Variants in EPHA3 observed in about 807,000 individuals in gnomAD.
EPHA3 encodes the protein EPH receptor A3.
A neutral mutation model predicts 107.1 loss-of-function variants in EPHA3; 42 were observed. The observed-to-expected ratio is 0.39, with a 90% CI of 0.31 to 0.51. The LOEUF (loss-of-function observed/expected upper bound fraction) is 0.51. Ranked by LOEUF, EPHA3 falls within the 20% of genes least tolerant of loss-of-function variation. The pLI is 0.78. For synonymous variants in EPHA3, 461 were observed against 424.8 expected (o/e 1.09, Z -1.05); for missense variants, 1,183 against 1,211.2 (o/e 0.98, Z 0.35).
At chr3:89,178,730 T>C (rs1307979344) in intron 2 of EPHA3, among the ~76,000 whole-genome samples, 2 of 151,846 alleles carry the variant, frequency 1.3e-5, no homozygotes, top group Non-Finnish European at 2.9e-5. Context: ...GAATCCTCTA[T>C]TTTTAAAGCA....
intron 2 of EPHA3, among the ~76,000 whole-genome samples, chr3:89,191,149 C>T (rs992904623): frequency 6.6e-6 from 1 of 151,960 alleles, no homozygotes; most frequent in African/African-American, 2.4e-5. Flanking sequence ...GCTTAGAAGA[C>T]AAAAATGGAT....
intron 9 of EPHA3, among the ~76,000 whole-genome samples, chr3:89,408,477 A>T (rs1709096141): frequency 6.6e-6 from 1 of 152,208 alleles, no homozygotes; most frequent in Non-Finnish European, 1.5e-5. Flanking sequence ...TAAACTCTAA[A>T]TAGGAGACTT....
intron 1 of EPHA3, among the ~76,000 whole-genome samples, chr3:89,121,097 G>A (rs769739849): frequency 6.6e-6 from 1 of 152,186 alleles, no homozygotes; most frequent in African/African-American, 2.4e-5. Context: ...TTAGCCAGGC[G>A]TGGTGGCAGG....
At chr3:89,203,277 G>A (rs1225404056) in intron 2 of EPHA3, among the ~76,000 whole-genome samples, 5 of 147,622 alleles carry the variant, frequency 3.4e-5, no homozygotes, top group African/African-American at 1.2e-4. Context: ...TTTTATCTGG[G>A]AAGCAGTATT....
chr3:89,148,395 G>C (rs1160735456), intron 2 of EPHA3, among the ~76,000 whole-genome samples: 2 of 151,804 alleles, frequency 1.3e-5, no homozygotes, highest in Non-Finnish European at 2.9e-5. Flanking sequence ...CAATTAAGCA[G>C]AGAAGACAAG....
chr3:89,218,181 G>A (rs1421319791), intron 3 of EPHA3, among the ~76,000 whole-genome samples: 4 of 151,794 alleles, frequency 2.6e-5, no homozygotes, highest in African/African-American at 9.7e-5. Flanking sequence ...GGGTACATGT[G>A]CACAACGTGC....
At chr3:89,449,712 A>G (rs1709949794) in intron 14 of EPHA3, among the ~76,000 whole-genome samples, 1 of 152,184 alleles carries the variant, frequency 6.6e-6, no homozygotes, top group Admixed American at 6.5e-5. Flanking sequence ...AGTACTAATG[A>G]ACTAATAGTT....
chr3:89,139,028 T>C (rs1704372972), intron 2 of EPHA3, among the ~76,000 whole-genome samples: 1 of 151,770 alleles, frequency 6.6e-6, no homozygotes, highest in South Asian at 2.1e-4. Flanking sequence ...GTAGAAGTTA[T>C]TATATTTCCC....
At chr3:89,334,540 T>C (rs997647907) in intron 3 of EPHA3, among the ~76,000 whole-genome samples, 4 of 152,206 alleles carry the variant, frequency 2.6e-5, no homozygotes, top group Admixed American at 2.0e-4. Flanking sequence ...ACATCTGTCA[T>C]TTTTTAAATG....
At chr3:89,381,766 G>C (rs1708514638) in intron 5 of EPHA3, among the ~76,000 whole-genome samples, 1 of 152,130 alleles carries the variant, frequency 6.6e-6, no homozygotes, top group Non-Finnish European at 1.5e-5. Context: ...CTCTTATAAT[G>C]AAGGCTCCAT....
At chr3:89,467,147 A>G (rs1391152069) in intron 15 of EPHA3, among the ~76,000 whole-genome samples, 1 of 152,192 alleles carries the variant, frequency 6.6e-6, no homozygotes, top group African/African-American at 2.4e-5. Context: ...GGCAATCAAC[A>G]TTAAAATAAA....
chr3:89,180,022 C>A (rs942343285), intron 2 of EPHA3, among the ~76,000 whole-genome samples: 14 of 151,828 alleles, frequency 9.2e-5, no homozygotes, highest in African/African-American at 3.1e-4. Flanking sequence ...ATATTCATAT[C>A]AATTTCTGTT....
rs976494470 is a variant in EPHA3 at position 89,126,007 on chromosome 3, C to CA, written c.89-1193dup. On this transcript the variant is annotated intron_variant, in intron 1 of 16. Coordinates refer to ENST00000336596, the MANE Select transcript of EPHA3 (RefSeq NM_005233.6). ...ATTTAAAAGATTAATGTTTGCTTTG[C>CA]AAAAAAAAATACTTGAGATGACTTT... Among the ~76,000 whole-genome samples the CA allele has an allele frequency of 2.2e-3, 330 of 148,630 alleles. 3 individuals carry two copies. Among genetic ancestry groups the CA allele is most frequent in the South Asian group, 0.014 (64 of 4,692 alleles).
Position 89,251,981 on chromosome 3 carries a change from G to C in EPHA3, c.814+41461G>C, listed in dbSNP as rs537721699. ...TTAAATGGAACAAGCATGGATAAAA[G>C]TAATTATGGTATATACAACCTAAGA... On this transcript the variant is annotated intron_variant, in intron 3 of 16. Transcript: ENST00000336596. Among the ~76,000 whole-genome samples, 7 of 152,178 alleles carry C rather than the reference G, an allele frequency of 4.6e-5. No individual in the cohort carries two copies. In the South Asian group the frequency reaches 1.5e-3, roughly 32 times the overall value.
At chr3:89,120,899 T>C (rs998609049) in intron 1 of EPHA3, among the ~76,000 whole-genome samples, 11 of 152,228 alleles carry the variant, frequency 7.2e-5, no homozygotes, top group African/African-American at 2.7e-4. Context: ...AAATACCACC[T>C]GACCAAAGGT....
At chr3:89,262,615 A>G (rs1705441015) in intron 3 of EPHA3, among the ~76,000 whole-genome samples, 1 of 152,192 alleles carries the variant, frequency 6.6e-6, no homozygotes, top group Non-Finnish European at 1.5e-5. Context: ...TTTTTGAAGC[A>G]CGGTATTTCC....
rs1035487882 is a variant in EPHA3 at position 89,343,880 on chromosome 3, A to T, written c.1306+1790A>T. ...TGCTTTGCTTCCGTTAATGGTATTT[A>T]TACTTTGTAACTAATGATATTTAAA... On this transcript the variant is annotated intron_variant, in intron 5 of 16. Coordinates refer to ENST00000336596, the MANE Select transcript of EPHA3 (RefSeq NM_005233.6). 6.6e-5 allele frequency among the ~76,000 whole-genome samples: 10 copies of T among 152,316 alleles called. No individual in the cohort carries two copies. The East Asian group carries it at 7.7e-4, about 12-fold the overall frequency.
In EPHA3 at chr3:89,291,062, C is replaced by A. The variant is rs144115081; in HGVS notation, c.815-49854C>A. ...TTCTTTATATACCCTTTGTAGTCAGCATAATGTTTGACTCATCACTGGAAC... is the reference window on the plus strand; with the variant it reads ...TTCTTTATATACCCTTTGTAGTCAGAATAATGTTTGACTCATCACTGGAAC... On this transcript the variant is annotated intron_variant, in intron 3 of 16. Coordinates refer to ENST00000336596, the MANE Select transcript of EPHA3 (RefSeq NM_005233.6). Among the ~76,000 whole-genome samples, 154 of 152,214 alleles carry A rather than the reference C, an allele frequency of 1.0e-3. 2 individuals are homozygous for A. In the East Asian group the frequency reaches 0.022, roughly 21 times the overall value.
At chr3:89,378,766 A>G (rs1161987318) in intron 5 of EPHA3, among the ~76,000 whole-genome samples, 1 of 152,180 alleles carries the variant, frequency 6.6e-6, no homozygotes, top group Non-Finnish European at 1.5e-5. Context: ...TTGTATCTGC[A>G]TGATTTCCTT....
Sources: gnomAD v4.1 joint callset for allele counts (sites outside exome capture counted in the v4.1 genomes callset) on GRCh38, gnomAD v4.1.1 for gene constraint, MANE v1.5 for transcripts, NCBI Gene and HGNC (gene_info 2026-07-23, HGNC 2026-07-21) for gene names.